The following SEMA4B variants were observed in gnomAD, a reference collection of about 807,000 sequenced individuals.
SEMA4B encodes the protein semaphorin 4B, also known as semaphorin-4B.
SEMA4B carries 55 observed loss-of-function variants against 88.1 expected under a neutral mutation model. The observed-to-expected ratio is 0.62, with a 90% CI of 0.50 to 0.78. The LOEUF (loss-of-function observed/expected upper bound fraction) is 0.78. Among genes scored for constraint, SEMA4B ranks in the 30% least tolerant of loss-of-function variants. SEMA4B has a pLI of 0.00. For missense variants in SEMA4B, 1,062 were observed against 1,111.9 expected, an observed-to-expected ratio of 0.96 and a Z score of 0.64; for synonymous variants, 525 against 473.6, an observed-to-expected ratio of 1.11 and a Z score of -1.41.
At chr15:90,185,042 C>T in exon 1 of SEMA4B, 2 of 985,294 alleles carry the variant, frequency 2.0e-6, no homozygotes, top group African/African-American at 1.7e-5. Context: ...AGCGGCCCCG[C>T]GGGGGGCGAT....
intron 1 of SEMA4B, among the ~76,000 whole-genome samples, chr15:90,188,448 T>A (rs186971631): frequency 5.7e-4 from 86 of 151,370 alleles, no homozygotes; most frequent in African/African-American, 2.0e-3. Context: ...GCCAACATGG[T>A]GAAACCCTGT....
At chr15:90,196,963 T>A (rs1960528866), upstream of SEMA4B, among the ~76,000 whole-genome samples, 2 of 152,234 alleles carry the variant, frequency 1.3e-5, no homozygotes, top group Admixed American at 6.5e-5. Flanking sequence ...GGTTCCGATG[T>A]CCTTTGGACA....
In SEMA4B at chr15:90,212,314, C is replaced by A. The variant is rs1961308584; in HGVS notation, c.158-5125C>A. Among the ~76,000 whole-genome samples the A allele has an allele frequency of 6.6e-6, 1 of 152,096 alleles. No homozygotes were observed. The highest frequency in any genetic ancestry group is 1.5e-5 in the Non-Finnish European group (1 of 68,010). ...GATCTGCCTAGTGGGATGCACTGGC[C>A]TTGGTGAAGCCCCTGGCTGAAGCCT... On this transcript the variant is annotated intron_variant, in intron 1 of 13. Transcript: ENST00000411539. The surrounding 1 kb of genome is among the most constrained non-coding windows in gnomAD (Gnocchi z 4.0).
intron 1 of SEMA4B, among the ~76,000 whole-genome samples, chr15:90,191,100 G>A (rs145948568): frequency 2.0e-4 from 30 of 152,326 alleles, no homozygotes; most frequent in African/African-American, 7.0e-4. Flanking sequence ...GTTCTACCCT[G>A]TCAGGGCAGG....
upstream of SEMA4B, among the ~76,000 whole-genome samples, chr15:90,200,456 T>C (rs1481534673): frequency 6.6e-6 from 1 of 152,212 alleles, no homozygotes; most frequent in Non-Finnish European, 1.5e-5. Flanking sequence ...ATTGCTTAGA[T>C]AGTTTCTATG....
Position 90,227,648 on chromosome 15 carries a change from G to T in SEMA4B, c.1774+6G>T. On this transcript the variant is annotated splice_donor_region_variant and intron_variant, in intron 13 of 13. Transcript: ENST00000411539. ...CCCGTCTTTTGTACCAACAGGTGAG[G>T]TGCCCCCTCAAAAGGTGGAGGAGAG... is the stretch of plus-strand genomic sequence containing the variant. 2.5e-6 allele frequency: 4 copies of T among 1,613,838 alleles called. No homozygotes were observed. The highest frequency in any genetic ancestry group is 3.4e-6 in the Non-Finnish European group (4 of 1,179,740).
chr15:90,210,342 G>T (rs1961203312), intron 1 of SEMA4B, among the ~76,000 whole-genome samples: 1 of 152,176 alleles, frequency 6.6e-6, no homozygotes, highest in Non-Finnish European at 1.5e-5. Flanking sequence ...GAGATTTGGG[G>T]ATCGCCAGCA....
intron 1 of SEMA4B, among the ~76,000 whole-genome samples, chr15:90,214,328 CAAAA>C (rs11289702): frequency 3.4e-5 from 3 of 89,238 alleles, no homozygotes; most frequent in Non-Finnish European, 2.2e-5. Flanking sequence ...AACTCCGTCT[CAAAA>C]AAAAAAAAAA....
At chr15:90,219,677 C>G (rs1961704311) in intron 3 of SEMA4B, 116 bp from the exon 4 acceptor site, 2 of 715,318 alleles carry the variant, frequency 2.8e-6, no homozygotes, top group Non-Finnish European at 4.7e-6. Flanking sequence ...CTTGAGTGCC[C>G]CATCCCCAGT....
At chr15:90,189,132 A>G (rs1473016897) in intron 1 of SEMA4B, among the ~76,000 whole-genome samples, 1 of 151,768 alleles carries the variant, frequency 6.6e-6, no homozygotes, top group Admixed American at 6.6e-5. Flanking sequence ...GGGGGGGAGG[A>G]AGGAAAAGGA....
intron 1 of SEMA4B, among the ~76,000 whole-genome samples, chr15:90,193,756 G>A (rs879374156): frequency 2.0e-5 from 3 of 152,106 alleles, no homozygotes; most frequent in Admixed American, 6.6e-5. Context: ...ACTGTTCTAG[G>A]TGAGTGCAGT....
chr15:90,223,772 G>A (rs768566446), intron 8 of SEMA4B, 32 bp downstream of exon 8: 1 of 1,603,688 alleles, frequency 6.2e-7, no homozygotes, highest in Non-Finnish European at 8.5e-7. Context: ...GGAGATGGAA[G>A]GGTGAAGGGT....
intron 1 of SEMA4B, among the ~76,000 whole-genome samples, chr15:90,193,994 G>C (rs1024544146): frequency 1.3e-5 from 2 of 151,896 alleles, no homozygotes; most frequent in South Asian, 4.2e-4. Flanking sequence ...TGGGATTATA[G>C]GTGTGCACCA....
At chr15:90,225,596 G>T in intron 11 of SEMA4B, 65 bp from the exon 12 acceptor site, 1 of 1,516,690 alleles carries the variant, frequency 6.6e-7, no homozygotes, top group Non-Finnish European at 8.9e-7. Context: ...ATACAAGCCG[G>T]GTGGCCATGG....
At chr15:90,194,278 T>C (rs1960433831) in intron 1 of SEMA4B, among the ~76,000 whole-genome samples, 1 of 151,526 alleles carries the variant, frequency 6.6e-6, no homozygotes, top group African/African-American at 2.4e-5. Context: ...ACACCTGTAA[T>C]CCCAGTACTT....
At chr15:90,196,907 A>G (rs529776425), upstream of SEMA4B, among the ~76,000 whole-genome samples, 44 of 152,306 alleles carry the variant, frequency 2.9e-4, no homozygotes, top group Non-Finnish European at 5.7e-4. Flanking sequence ...TAATGTATTA[A>G]TCCATTACTT....
intron 1 of SEMA4B, among the ~76,000 whole-genome samples, chr15:90,208,639 T>G (rs954607928): frequency 3.3e-5 from 5 of 152,228 alleles, no homozygotes; most frequent in African/African-American, 1.2e-4. Context: ...CAAGTGAGGA[T>G]TCACACACAT....
chr15:90,185,417 C>G (rs927501170), intron 1 of SEMA4B, among the ~76,000 whole-genome samples: 1 of 152,248 alleles, frequency 6.6e-6, no homozygotes, highest in Admixed American at 6.5e-5. Flanking sequence ...AGGCCTGGGC[C>G]CCTGCGGAAT....
At chr15:90,210,082 G>A (rs796247761) in intron 1 of SEMA4B, among the ~76,000 whole-genome samples, 37 of 152,318 alleles carry the variant, frequency 2.4e-4, no homozygotes, top group African/African-American at 7.2e-4. Context: ...TCAGGACTGC[G>A]GTAGTGGGGA....
Sources: allele counts gnomAD v4.1 joint callset (sites outside exome capture counted in the v4.1 genomes callset), GRCh38; gene constraint gnomAD v4.1.1; non-coding constraint Gnocchi (gnomAD v3.1); transcripts MANE v1.5; gene names NCBI Gene and HGNC (gene_info 2026-07-23, HGNC 2026-07-21).